STPG2: variants seen among roughly 807,000 people sequenced by gnomAD.
STPG2 encodes sperm-tail PG-rich repeat-containing protein 2.
Under a neutral mutation model 54.2 loss-of-function variants are expected in STPG2, and 56 were observed. That is an observed-to-expected ratio of 1.03 (90% CI 0.83 to 1.29). The LOEUF (loss-of-function observed/expected upper bound fraction) is 1.29, where lower values mean the gene tolerates loss of function less well. STPG2 is among the 50% of genes most tolerant of loss of function. STPG2 has a pLI of 0.00. For synonymous variants in STPG2, 200 were observed against 181.8 expected (o/e 1.10, Z -0.81); for missense variants, 596 against 544.9 (o/e 1.09, Z -0.93).
intron 9 of STPG2, among the ~76,000 whole-genome samples, chr4:97,787,706 A>G (rs1486379101): frequency 3.3e-5 from 5 of 151,850 alleles, no homozygotes; most frequent in Non-Finnish European, 7.4e-5. Context: ...TTTGCTTCTT[A>G]AATGTTTATG....
Position 97,802,822 on chromosome 4 carries a change from G to A in STPG2, c.1204+37951C>T, listed in dbSNP as rs554316197. On this transcript the variant is annotated intron_variant, in intron 9 of 10. Transcript: ENST00000295268. Reference sequence around the variant, plus strand: ...TACATATTGACACACACATGCACACGACCACATACACACTTTCATCACCAA... The same window carrying A: ...TACATATTGACACACACATGCACACAACCACATACACACTTTCATCACCAA... Among the ~76,000 whole-genome samples, 18 of 152,008 alleles carry A rather than the reference G, an allele frequency of 1.2e-4. No homozygotes were observed. The East Asian group carries it at 2.5e-3, about 21-fold the overall frequency.
chr4:97,800,955 C>T (rs865869603), intron 9 of STPG2, among the ~76,000 whole-genome samples: 1 of 152,200 alleles, frequency 6.6e-6, no homozygotes, highest in African/African-American at 2.4e-5. Flanking sequence ...ATGAGCAAGG[C>T]TCCGTGGGCA....
At chr4:97,621,978 A>C (rs1263342556) in intron 10 of STPG2, among the ~76,000 whole-genome samples, 1 of 152,260 alleles carries the variant, frequency 6.6e-6, no homozygotes, top group African/African-American at 2.4e-5. Context: ...CAGCACATGC[A>C]AATCAAGAAA....
intron 10 of STPG2, among the ~76,000 whole-genome samples, chr4:97,609,382 C>T (rs141620289): frequency 2.0e-5 from 3 of 151,978 alleles, no homozygotes; most frequent in Admixed American, 1.3e-4. Flanking sequence ...CTACTTTAAT[C>T]ATTCTGGCCA....
chr4:98,143,097 C>A lies in STPG2; in HGVS notation c.54G>T (p.Glu18Asp). ...GGTAGGATCCAGGACCCACATGGGC[C>A]TCAGTGCTGCCACCTTCAGCCAATT... is the stretch of plus-strand genomic sequence containing the variant. Reference protein sequence around the residue: ...LLKLAEGGSTEAHVGPGSYQV... With the variant: ...LLKLAEGGSTDAHVGPGSYQV... Residue 18 changes from glutamate (E) to aspartate (D), a missense_variant, in exon 1 of 11, where the codon GAG becomes GAT. Physicochemically the swap from Glu to Asp is conservative, Grantham distance 45. Coordinates refer to ENST00000295268, the MANE Select transcript of STPG2 (RefSeq NM_174952.3). The A allele has an allele frequency of 6.2e-7, 1 of 1,614,012 alleles. No individual in the cohort carries two copies.
At chr4:97,695,837 C>G (rs1723553006) in intron 10 of STPG2, among the ~76,000 whole-genome samples, 2 of 151,392 alleles carry the variant, frequency 1.3e-5, no homozygotes, top group Non-Finnish European at 2.9e-5. Flanking sequence ...CTACGAAACA[C>G]TGCTGAAAGT....
chr4:98,124,960 T>C (rs944221878), intron 3 of STPG2, among the ~76,000 whole-genome samples: 15 of 152,202 alleles, frequency 9.9e-5, no homozygotes, highest in African/African-American at 3.6e-4. Flanking sequence ...CTCCACTTGG[T>C]TTGTTTGGCT....
chr4:97,651,226 T>C (rs1185244463), intron 10 of STPG2, among the ~76,000 whole-genome samples: 1 of 152,068 alleles, frequency 6.6e-6, no homozygotes, highest in Non-Finnish European at 1.5e-5. Flanking sequence ...GTTAGACCAG[T>C]ATAATTTCCC....
intron 9 of STPG2, among the ~76,000 whole-genome samples, chr4:97,817,002 A>G (rs1325110398): frequency 6.8e-6 from 1 of 147,990 alleles, no homozygotes; most frequent in African/African-American, 2.5e-5. Flanking sequence ...ATATATACAT[A>G]TATTTCCTAT....
At chr4:97,886,648 G>A (rs934155102) in intron 8 of STPG2, among the ~76,000 whole-genome samples, 3 of 152,082 alleles carry the variant, frequency 2.0e-5, no homozygotes, top group East Asian at 1.9e-4. Context: ...TACTCTTCAC[G>A]TCAAACTATT....
intron 3 of STPG2, among the ~76,000 whole-genome samples, chr4:98,115,405 G>T (rs1193986455): frequency 6.6e-6 from 1 of 151,908 alleles, no homozygotes; most frequent in Non-Finnish European, 1.5e-5. Flanking sequence ...TCTAAAAGAA[G>T]AAAGAAGCTA....
chr4:97,455,710 C>T (rs1252297943), intron 4 of STPG2, among the ~76,000 whole-genome samples: 1 of 152,168 alleles, frequency 6.6e-6, no homozygotes, highest in Non-Finnish European at 1.5e-5. Context: ...ATACAGAAAG[C>T]CCTCTGTCCT....
At chr4:97,834,471 A>T (rs1728572995) in intron 9 of STPG2, among the ~76,000 whole-genome samples, 1 of 152,162 alleles carries the variant, frequency 6.6e-6, no homozygotes, top group Non-Finnish European at 1.5e-5. Flanking sequence ...ACAAACCTGC[A>T]CACTCTGCAC....
At chr4:97,616,478 C>A (rs920972535) in intron 10 of STPG2, among the ~76,000 whole-genome samples, 5 of 151,990 alleles carry the variant, frequency 3.3e-5, no homozygotes, top group Admixed American at 6.6e-5. Flanking sequence ...GATTTTGTAT[C>A]TATCTAGAAA....
At chr4:97,721,741 G>A (rs1724455003) in intron 9 of STPG2, among the ~76,000 whole-genome samples, 2 of 151,960 alleles carry the variant, frequency 1.3e-5, no homozygotes, top group African/African-American at 2.4e-5. Flanking sequence ...ATTTAGCTAA[G>A]TAATACAGTT....
At chr4:97,716,890 G>A (rs1724307198) in intron 9 of STPG2, among the ~76,000 whole-genome samples, 1 of 151,852 alleles carries the variant, frequency 6.6e-6, no homozygotes, top group Non-Finnish European at 1.5e-5. Context: ...TTTTTAAAAA[G>A]GGGTTAAAAA....
chr4:97,446,360 C>A (rs761294958), intron 4 of STPG2, among the ~76,000 whole-genome samples: 2 of 152,190 alleles, frequency 1.3e-5, no homozygotes, highest in South Asian at 2.1e-4. Context: ...CTGTTAATTA[C>A]ACCTTGGAGC....
At chr4:97,580,091 A>T (rs1732826087) in intron 10 of STPG2, among the ~76,000 whole-genome samples, 1 of 151,996 alleles carries the variant, frequency 6.6e-6, no homozygotes, top group Non-Finnish European at 1.5e-5. Flanking sequence ...TGTGTAATAA[A>T]CTATACTAAT....
chr4:97,702,298 T>A (rs900106152), intron 10 of STPG2, among the ~76,000 whole-genome samples: 3 of 152,158 alleles, frequency 2.0e-5, no homozygotes, highest in Non-Finnish European at 2.9e-5. Context: ...ATAAATAAAT[T>A]CAGCTTGATC....
Sources: gnomAD v4.1 joint callset for allele counts (sites outside exome capture counted in the v4.1 genomes callset) on GRCh38, gnomAD v4.1.1 for gene constraint, MANE v1.5 for transcripts, NCBI Gene and HGNC (gene_info 2026-07-23, HGNC 2026-07-21) for gene names.